The following MYH7B variants were observed in gnomAD, a reference collection of about 807,000 sequenced individuals.
MYH7B encodes the protein myosin heavy chain 7B.
MYH7B carries 205 observed loss-of-function variants against 234.5 expected under a neutral mutation model. That is an observed-to-expected ratio of 0.87 (90% confidence interval 0.78 to 0.98). MYH7B has a LOEUF of 0.98. Ranked by LOEUF, MYH7B falls within the 50% of genes least tolerant of loss-of-function variation. MYH7B has a pLI of 0.00. For missense variants in MYH7B, 2,652 were observed against 2,633.4 expected (o/e 1.01, Z -0.15); for synonymous variants, 1,193 against 1,105.0 (o/e 1.08, Z -1.58).
intron 7 of MYH7B, chr20:34,980,027 G>A: frequency 1.7e-6 from 1 of 582,046 alleles, no homozygotes; most frequent in Non-Finnish European, 3.0e-6. Context: ...GGGACCTTAG[G>A]GGAGCAGCTG....
At chr20:34,976,444 G>A (rs766602331) in intron 3 of MYH7B, among the ~76,000 whole-genome samples, 18 of 152,276 alleles carry the variant, frequency 1.2e-4, no homozygotes, top group African/African-American at 1.7e-4. Flanking sequence ...TTTCATTCTC[G>A]ATTCTAAAAT....
chr20:34,980,021 C>T (rs1269420225), intron 7 of MYH7B: 8 of 588,924 alleles, frequency 1.4e-5, no homozygotes, highest in Non-Finnish European at 2.4e-5. Flanking sequence ...GGCCTTGGGA[C>T]CTTAGGGGAG....
At chr20:34,993,923 G>A (rs1289781036) in intron 26 of MYH7B, among the ~76,000 whole-genome samples, 2 of 152,254 alleles carry the variant, frequency 1.3e-5, no homozygotes, top group Non-Finnish European at 2.9e-5. Flanking sequence ...GGTGTCTTCC[G>A]GGAATTGCAG....
chr20:34,995,229 CCAAA>C (rs868251471), intron 27 of MYH7B, 103 bp from the exon 28 acceptor site: 1 of 1,057,080 alleles, frequency 9.5e-7, no homozygotes, highest in Non-Finnish European at 1.3e-6. Context: ...CAGAGCACAG[CCAAA>C]CTTTGCTACA....
At position 34,992,551 on chromosome 20, in the gene MYH7B, C is replaced by T. The variant is rs140167659; in HGVS notation, c.2184-551C>T. The stretch of plus-strand genomic sequence containing the variant: ...CTTAATGAATGCATTTAAAATCCCC[C>T]CAAGGTTGTGTTTTTTTTTTTTTTT... On this transcript the variant is annotated intron_variant, in intron 24 of 44. Transcript: ENST00000262873. Among the ~76,000 whole-genome samples the T allele has an allele frequency of 1.8e-3, 269 of 148,298 alleles. 1 individual carries two copies. Among genetic ancestry groups the T allele is most frequent in the African/African-American group, 5.8e-3 (236 of 40,678 alleles).
intron 36 of MYH7B, 66 bp from the exon 37 acceptor site, chr20:34,999,505 G>T: frequency 6.5e-7 from 1 of 1,538,954 alleles, no homozygotes; most frequent in Non-Finnish European, 8.7e-7. Flanking sequence ...AATCAGGGGT[G>T]AGTGGAGTGA....
intron 6 of MYH7B, 56 bp from the exon 7 acceptor site, chr20:34,979,605 G>A (rs1193890201): frequency 6.2e-7 from 1 of 1,610,422 alleles, no homozygotes; most frequent in East Asian, 2.2e-5. Context: ...GGGGTGACAG[G>A]TGAGGTCGGT....
chr20:34,956,375 T>C (rs2081634155), intron 1 of MYH7B, among the ~76,000 whole-genome samples: 1 of 152,192 alleles, frequency 6.6e-6, no homozygotes, highest in Non-Finnish European at 1.5e-5. Context: ...CAGACTCTCT[T>C]GTACCGTTTA....
chr20:34,977,049 CTA>C (rs762520108), intron 3 of MYH7B, among the ~76,000 whole-genome samples: 10 of 45,732 alleles, frequency 2.2e-4, no homozygotes, highest in African/African-American at 4.0e-4. Context: ...CCCTCTCCCC[CTA>C]CCCCTCCCCC....
chr20:34,989,713 G>A (rs2082103392), intron 19 of MYH7B, 27 bp from the exon 20 acceptor site: 1 of 1,605,708 alleles, frequency 6.2e-7, no homozygotes, highest in African/African-American at 1.3e-5. Context: ...GCTTGATGGT[G>A]GCTTTTCAAG....
chr20:34,993,381 C>T lies in MYH7B; in HGVS notation c.2355C>T (p.Asp785=), dbSNP rs986153093. ...TAGGCGTCCTGGAAGAGCTCCGTGA[C>T]CAGCGCCTGGCCAAGGTGCTGACGC... Residue 785 remains aspartate, a synonymous_variant, in exon 26 of 45, where the codon GAC becomes GAT. Transcript: ENST00000262873. 23 of 1,613,668 alleles carry T rather than the reference C, an allele frequency of 1.4e-5. 1 individual carries two copies. In the African/African-American group the frequency reaches 2.1e-4, roughly 15 times the overall value.
At chr20:34,996,720 T>C (rs761617792) in exon 30 of MYH7B, 2 of 1,613,394 alleles carry the variant, frequency 1.2e-6, no homozygotes, top group South Asian at 2.2e-5. Flanking sequence ...TGGCTGATGC[T>C]GCTCAAGACA....
At position 34,993,418 on chromosome 20, in the gene MYH7B, C is replaced by T. The variant is rs368945461; in HGVS notation, c.2392C>T (p.Arg798Trp). Residue 798 changes from arginine (R) to tryptophan (W), a missense_variant, in exon 26 of 45, where the codon CGG (arginine) becomes TGG (tryptophan). Coordinates refer to ENST00000262873, the Ensembl canonical transcript of MYH7B. ...CAAGGTGCTGACGCTGCTGCAGGCG[C>T]GGAGCCGTGGCCGCCTCATGCGCCT... The T allele has an allele frequency of 1.1e-4, 184 of 1,611,872 alleles. No individual in the cohort carries two copies. The highest frequency in any genetic ancestry group is 1.4e-4 in the Non-Finnish European group (170 of 1,179,592).
chr20:34,975,466 G>A, exon 3 of MYH7B: 1 of 708,994 alleles, frequency 1.4e-6, no homozygotes, highest in Non-Finnish European at 2.6e-6. Context: ...GTGTCCGCCT[G>A]GGCCTCCCAA....
chr20:34,957,641 C>T (rs2081654241), intron 1 of MYH7B, among the ~76,000 whole-genome samples: 1 of 152,094 alleles, frequency 6.6e-6, no homozygotes, highest in Admixed American at 6.5e-5. Flanking sequence ...AGGCGTCCAC[C>T]ACCACACCCG....
chr20:34,981,198 T>C, intron 9 of MYH7B, 138 bp downstream of exon 9: 1 of 1,093,072 alleles, frequency 9.1e-7, no homozygotes, highest in East Asian at 2.4e-5. Context: ...GTGTCCCAGC[T>C]GAAGCTAAAT....
At chr20:34,984,552 G>C in intron 10 of MYH7B, 140 bp from the exon 11 acceptor site, 1 of 735,490 alleles carries the variant, frequency 1.4e-6, no homozygotes, top group Non-Finnish European at 2.3e-6. Flanking sequence ...CCGAGGGGCT[G>C]AGGGTGGGGG....
Position 35,002,161 on chromosome 20 carries a change from A to G in MYH7B, c.5815-16A>G, listed in dbSNP as rs1050506462. Reference sequence around the variant, plus strand: ...GACAGGTAGTACTGCTCACTCAGCTATCCCTTTCTCCTCAGCACAAGGAGT... The same window carrying G: ...GACAGGTAGTACTGCTCACTCAGCTGTCCCTTTCTCCTCAGCACAAGGAGT... On this transcript the variant is annotated splice_polypyrimidine_tract_variant and intron_variant, in intron 44 of 44. Transcript: ENST00000262873. 25 of 1,583,610 alleles carry G rather than the reference A, an allele frequency of 1.6e-5. No homozygotes were observed. The African/African-American group carries it at 2.0e-4, about 13-fold the overall frequency.
intron 27 of MYH7B, among the ~76,000 whole-genome samples, chr20:34,995,130 TC>T (rs2082229438): frequency 6.6e-6 from 1 of 152,228 alleles, no homozygotes; most frequent in Admixed American, 6.5e-5. Context: ...GCCCCGCACT[TC>T]TAACTTTCCC....
Sources: allele counts gnomAD v4.1 joint callset (sites outside exome capture counted in the v4.1 genomes callset), GRCh38; gene constraint gnomAD v4.1.1; transcripts MANE v1.5; gene names NCBI Gene and HGNC (gene_info 2026-07-23, HGNC 2026-07-21).